The following DMXL1 variants were observed in gnomAD, a reference collection of about 807,000 sequenced individuals.
DMXL1 encodes the protein Dmx like 1, also known as dmX-like protein 1.
DMXL1 carries 99 observed loss-of-function variants against 319.2 expected under a neutral mutation model. That is an observed-to-expected ratio of 0.31 (90% CI 0.26 to 0.37). The LOEUF (loss-of-function observed/expected upper bound fraction) is 0.37, where lower values mean the gene tolerates loss of function less well. Among genes scored for constraint, DMXL1 ranks in the 10% least tolerant of loss-of-function variants. DMXL1 has a pLI of 1.00. For synonymous variants in DMXL1, 1,385 were observed against 1,235.2 expected (o/e 1.12, Z -2.54); for missense variants, 3,745 against 3,595.6 (o/e 1.04, Z -1.06).
chr5:119,185,006 C>A (rs1157820216), intron 28 of DMXL1, among the ~76,000 whole-genome samples: 1 of 152,140 alleles, frequency 6.6e-6, no homozygotes, highest in African/African-American at 2.4e-5. Context: ...CATGCTTGAC[C>A]AAATTCTCAA....
chr5:119,207,887 A>G (rs2150492535), intron 34 of DMXL1, among the ~76,000 whole-genome samples: 1 of 152,304 alleles, frequency 6.6e-6, no homozygotes, highest in East Asian at 1.9e-4. Flanking sequence ...ATTTAAAACA[A>G]TCTCAGCAGT....
rs117828025 is a variant in DMXL1, at chr5:119,156,589, C to T, written c.4702+4553C>T. ...AGCTATCTCTTCAACATACTGATTTCACATCCTTTGACTATATACACATAA... is the reference window on the plus strand; with the variant it reads ...AGCTATCTCTTCAACATACTGATTTTACATCCTTTGACTATATACACATAA... On this transcript the variant is annotated intron_variant, in intron 19 of 43. Transcript: ENST00000539542. Among the ~76,000 whole-genome samples the T allele has an allele frequency of 3.9e-3, 590 of 152,208 alleles. 9 individuals are homozygous for T. The highest frequency in any genetic ancestry group is 0.026 in the South Asian group (125 of 4,824).
chr5:119,122,771 C>G lies in DMXL1; in HGVS notation c.1102+1632C>G, dbSNP rs191053907. ...GGTGGCCGGGAAGAGGCGCTCCTCA[C>G]TTACTAGATGGGATGGCGGCCGGGC... On this transcript the variant is annotated intron_variant, in intron 9 of 43. Transcript: ENST00000539542. 5.6e-3 allele frequency among the ~76,000 whole-genome samples: 850 copies of G among 151,898 alleles called. 10 individuals carry two copies. Among genetic ancestry groups the G allele is most frequent in the African/African-American group, 0.02 (817 of 41,478 alleles).
chr5:119,217,400 C>G (rs1302958877), intron 35 of DMXL1, among the ~76,000 whole-genome samples: 1 of 152,036 alleles, frequency 6.6e-6, no homozygotes, highest in African/African-American at 2.4e-5. Flanking sequence ...CGATAGCTGC[C>G]CAACGTGTGT....
chr5:119,076,342 T>C (rs1241320707), intron 1 of DMXL1, among the ~76,000 whole-genome samples: 2 of 152,182 alleles, frequency 1.3e-5, no homozygotes, highest in Non-Finnish European at 2.9e-5. Flanking sequence ...TTGTTTACTT[T>C]AAGGAAACCT....
intron 34 of DMXL1, 65 bp from the exon 35 acceptor site, chr5:119,216,836 G>A: frequency 1.2e-6 from 1 of 809,134 alleles, no homozygotes; most frequent in Non-Finnish European, 2.1e-6. Flanking sequence ...TTGATAGATT[G>A]GCATATATTA....
At chr5:119,218,784 TA>T (rs1784145647) in intron 35 of DMXL1, among the ~76,000 whole-genome samples, 1 of 152,214 alleles carries the variant, frequency 6.6e-6, no homozygotes, top group Non-Finnish European at 1.5e-5. Context: ...ATATCCTTAC[TA>T]AATTTGCAGC....
intron 34 of DMXL1, among the ~76,000 whole-genome samples, chr5:119,207,513 A>G (rs961668557): frequency 6.6e-6 from 1 of 151,986 alleles, no homozygotes; most frequent in East Asian, 1.9e-4. Context: ...ATATTCAACT[A>G]TGACTATATT....
At chr5:119,077,300 G>A (rs902128135) in intron 1 of DMXL1, among the ~76,000 whole-genome samples, 7 of 151,086 alleles carry the variant, frequency 4.6e-5, no homozygotes, top group Non-Finnish European at 1.0e-4. Context: ...GAAGCAGCTG[G>A]TGACATCGAC....
rs370637805 is a variant in DMXL1 at position 119,071,689 on chromosome 5, C to T, written c.87+33C>T. ...AGGGAGGCCCTCGCGTCGCCCGTGG[C>T]CCGGCCTTTGCCCGTCATTCTGGGC... is the stretch of plus-strand genomic sequence containing the variant. On this transcript the variant is annotated intron_variant, in intron 1 of 43. Coordinates refer to ENST00000539542, the MANE Select transcript of DMXL1 (RefSeq NM_001290321.3). 1.2e-4 allele frequency: 185 copies of T among 1,550,514 alleles called. No individual in the cohort carries two copies. In the African/African-American group the frequency reaches 2.1e-3, roughly 17 times the overall value.
chr5:119,227,132 C>T (rs1481155772), intron 38 of DMXL1, among the ~76,000 whole-genome samples: 3 of 152,186 alleles, frequency 2.0e-5, no homozygotes, highest in African/African-American at 7.2e-5. Flanking sequence ...TTCAGGTGCT[C>T]TTCCATGGGT....
rs773173770 is a variant in DMXL1, at chr5:119,071,644, C to A, written c.75C>A (p.Asp25Glu). ...GCTTCTCCGTGGGCAGCATTGGCGA[C>A]CAGCGCTTCACGGTGAGTGAGGGAG... ...DHCFSVGSIG[D>E]QRFTAYASGC... The change falls in exon 1 of 44, where the codon GAC becomes GAA. Residue 25 changes from aspartate to glutamate, a missense_variant. By Grantham distance (45) the Asp-to-Glu change is conservative (BLOSUM62 2). Around this residue, in one of 4 missense-constraint regions of DMXL1, gnomAD observed 2,096 missense variants for 1,985.4 expected, o/e 1.06. Transcript: ENST00000539542. 3.1e-6 allele frequency: 5 copies of A among 1,590,442 alleles called. No homozygotes were observed. In the African/African-American group the frequency reaches 6.7e-5, roughly 21 times the overall value.
At chr5:119,185,158 C>T (rs565661788) in intron 28 of DMXL1, among the ~76,000 whole-genome samples, 6 of 151,878 alleles carry the variant, frequency 4.0e-5, no homozygotes, top group Admixed American at 2.0e-4. Context: ...CTTCTTGTCC[C>T]TTCTCCTTTC....
chr5:119,097,882 A>T (rs1756353570), intron 1 of DMXL1, 97 bp from the exon 2 acceptor site: 1 of 1,133,492 alleles, frequency 8.8e-7, no homozygotes, highest in Non-Finnish European at 1.2e-6. Flanking sequence ...TAAAACATTT[A>T]TTCTCCCTGC....
chr5:119,185,194 C>G (rs570281898), intron 28 of DMXL1, among the ~76,000 whole-genome samples: 18 of 152,048 alleles, frequency 1.2e-4, no homozygotes, highest in Admixed American at 9.8e-4. Context: ...CTGTCACTTT[C>G]TGCTCCTCTA....
chr5:119,122,324 A>C (rs1390894839), intron 9 of DMXL1, among the ~76,000 whole-genome samples: 8 of 116,396 alleles, frequency 6.9e-5, no homozygotes, highest in Middle Eastern at 5.8e-3. Context: ...TGACCCCCCC[A>C]CCTCCCTCCC....
At chr5:119,092,983 A>T (rs1272521793) in intron 1 of DMXL1, among the ~76,000 whole-genome samples, 1 of 152,076 alleles carries the variant, frequency 6.6e-6, no homozygotes, top group Non-Finnish European at 1.5e-5. Context: ...TTGTGTGGAC[A>T]TGTTTTCAGT....
At chr5:119,239,288 G>A (rs1788324393) in intron 41 of DMXL1, among the ~76,000 whole-genome samples, 1 of 152,112 alleles carries the variant, frequency 6.6e-6, no homozygotes, top group African/African-American at 2.4e-5. Context: ...CCCAGTATCT[G>A]TCTGCCTCTT....
At chr5:119,131,003 C>CT (rs35682583) in intron 10 of DMXL1, among the ~76,000 whole-genome samples, 2,209 of 142,260 alleles carry the variant, frequency 0.016, 53 homozygotes, top group East Asian at 0.11. Flanking sequence ...CATTATATTA[C>CT]TTTTTTTTTT....
Sources: gnomAD v4.1 joint callset for allele counts (sites outside exome capture counted in the v4.1 genomes callset) on GRCh38, gnomAD v4.1.1 for gene constraint, gnomAD v4.1.1 regional missense constraint, MANE v1.5 for transcripts, NCBI Gene and HGNC (gene_info 2026-07-23, HGNC 2026-07-21) for gene names.